The following GLIS3 variants were observed in gnomAD, a reference collection of about 807,000 sequenced individuals.
GLIS3 encodes the protein zinc finger protein GLIS3.
GLIS3 carries 53 observed loss-of-function variants against 78.6 expected under a neutral mutation model. The ratio of observed to expected loss-of-function variants is 0.67; its 90% CI spans 0.54 to 0.85. The LOEUF (loss-of-function observed/expected upper bound fraction) is 0.85, where lower values mean the gene tolerates loss of function less well. Among genes scored for constraint, GLIS3 ranks in the 40% least tolerant of loss-of-function variants. The pLI, the probability that GLIS3 is intolerant of heterozygous loss-of-function variation, is 0.00. For synonymous variants in GLIS3, 684 were observed against 509.9 expected (o/e 1.34, Z -4.60); for missense variants, 1,703 against 1,231.1 (o/e 1.38, Z -5.74).
rs1476595897 is a variant in GLIS3 at position 3,824,546 on chromosome 9, C to T, written c.*3726G>A. The stretch of plus-strand genomic sequence containing the variant: ...TTTTACTTTTGACATAAAAAAAGGA[C>T]TTCATGAACAAGACAAAATAACTTA... On this transcript the variant is annotated 3_prime_UTR_variant, in exon 11 of 11. Coordinates refer to ENST00000381971, the MANE Select transcript of GLIS3 (RefSeq NM_001042413.2). The T allele has an allele frequency of 2.0e-5, 3 of 152,248 alleles. No homozygotes were observed. Among genetic ancestry groups the T allele is most frequent in the Non-Finnish European group, 4.4e-5 (3 of 68,020 alleles). The allele number at this position is 152,248 out of a possible 1,614,324, so 9.4% of individuals were successfully genotyped here. A position where few individuals can be genotyped will look rare whatever the true frequency, so the allele number is the denominator to read the frequency against.
intron 2 of GLIS3, among the ~76,000 whole-genome samples, chr9:4,155,295 G>C (rs1307324369): frequency 6.6e-6 from 1 of 152,146 alleles, no homozygotes; most frequent in African/African-American, 2.4e-5. Flanking sequence ...AAAAGCAAGA[G>C]AATAAGCATG....
chr9:4,310,107 T>C (rs1439450876), intron 3 of GLIS3, among the ~76,000 whole-genome samples: 4 of 148,728 alleles, frequency 2.7e-5, no homozygotes, highest in African/African-American at 9.7e-5. Flanking sequence ...ATCAGGATTC[T>C]GCTACACACT....
chr9:3,908,062 C>T (rs948613012), intron 6 of GLIS3, among the ~76,000 whole-genome samples: 10 of 152,120 alleles, frequency 6.6e-5, no homozygotes, highest in African/African-American at 2.4e-4. Flanking sequence ...ATACCAAAAG[C>T]CTAAGTGTGG....
At chr9:3,984,951 C>T (rs1416908617) in intron 4 of GLIS3, among the ~76,000 whole-genome samples, 1 of 152,094 alleles carries the variant, frequency 6.6e-6, no homozygotes, top group Admixed American at 6.5e-5. Context: ...GTGACTTGCT[C>T]GTCCTTGCCT....
At chr9:4,347,422 G>T (rs7034125) in intron 1 of GLIS3, among the ~76,000 whole-genome samples, 27,841 of 151,914 alleles carry the variant, frequency 0.18, 2,684 homozygotes, top group Middle Eastern at 0.31. Context: ...CCAAACTATA[G>T]CAACCTGAAA....
intron 2 of GLIS3, among the ~76,000 whole-genome samples, chr9:4,203,976 G>T (rs984290837): frequency 6.6e-6 from 1 of 152,098 alleles, no homozygotes; most frequent in Non-Finnish European, 1.5e-5. Context: ...AGAGAAATGG[G>T]GCAAGGGTTG....
At chr9:4,167,164 G>A (rs994556180) in intron 2 of GLIS3, among the ~76,000 whole-genome samples, 3 of 152,190 alleles carry the variant, frequency 2.0e-5, no homozygotes, top group African/African-American at 7.2e-5. Flanking sequence ...AAGAGGATAA[G>A]GGAGTTGCCC....
intron 1 of GLIS3, among the ~76,000 whole-genome samples, chr9:4,288,497 T>A (rs2130365185): frequency 6.6e-6 from 1 of 152,216 alleles, no homozygotes; most frequent in Admixed American, 6.5e-5. Flanking sequence ...AGGAGTCATT[T>A]TTTTTGGCAG....
intron 2 of GLIS3, among the ~76,000 whole-genome samples, chr9:4,180,288 T>A (rs1419504791): frequency 6.6e-6 from 1 of 152,160 alleles, no homozygotes; most frequent in Non-Finnish European, 1.5e-5. Flanking sequence ...AGGTCAGCAA[T>A]GATCCTACCC....
intron 4 of GLIS3, among the ~76,000 whole-genome samples, chr9:4,019,332 C>A (rs192386966): frequency 1.7e-4 from 26 of 152,218 alleles, no homozygotes; most frequent in South Asian, 4.1e-4. Context: ...ATCACAGAGC[C>A]AGCAAAGAAA....
intron 2 of GLIS3, among the ~76,000 whole-genome samples, chr9:4,238,908 T>C (rs189035896): frequency 6.6e-6 from 1 of 152,222 alleles, no homozygotes; most frequent in Admixed American, 6.5e-5. Flanking sequence ...CAGTGACTTT[T>C]TCACCACGAG....
intron 2 of GLIS3, among the ~76,000 whole-genome samples, chr9:4,334,673 C>G (rs563197898): frequency 1.5e-4 from 23 of 151,906 alleles, no homozygotes; most frequent in African/African-American, 5.3e-4. Flanking sequence ...TGCTGCTTTG[C>G]CTGTCTTCTC....
the GLIS3 span, among the ~76,000 whole-genome samples, chr9:4,482,740 C>T: frequency 6.6e-6 from 1 of 152,112 alleles, no homozygotes; most frequent in Admixed American, 6.5e-5. Context: ...TCAAAGTCTC[C>T]TTCCTTTAGT....
At chr9:4,404,186 A>G in the GLIS3 span, among the ~76,000 whole-genome samples, 5 of 152,234 alleles carry the variant, frequency 3.3e-5, no homozygotes, top group Non-Finnish European at 7.3e-5. Flanking sequence ...TTGTAAATAT[A>G]TATGCACCCA....
In GLIS3 at chr9:4,038,287, T is replaced by C. The variant is rs374415999; in HGVS notation, c.1710+79481A>G. Among the ~76,000 whole-genome samples, 14 of 45,334 alleles carry C rather than the reference T, an allele frequency of 3.1e-4. No homozygotes were observed. The South Asian group carries it at 8.6e-3, about 28-fold the overall frequency. The allele number at this position is 45,334 out of a possible 152,430, so 29.7% of individuals were successfully genotyped here. ...CTTCTTTTGAAGTGTGGTAGGAAAC[T>C]TGTCCAACTTGTTGGTTCCAAAAAT... On this transcript the variant is annotated intron_variant, in intron 4 of 10. Coordinates refer to ENST00000381971, the MANE Select transcript of GLIS3 (RefSeq NM_001042413.2).
the GLIS3 span, among the ~76,000 whole-genome samples, chr9:4,397,125 A>C: frequency 1.6e-3 from 209 of 133,266 alleles, 2 homozygotes; most frequent in Non-Finnish European, 1.9e-3. Context: ...TCCTGGGTTC[A>C]CGCCATTCTC....
the GLIS3 span, among the ~76,000 whole-genome samples, chr9:4,376,308 A>G: frequency 2.6e-5 from 4 of 152,230 alleles, no homozygotes; most frequent in African/African-American, 7.2e-5. Context: ...AAGAATTTAA[A>G]GCATTAGGAG....
At chr9:3,907,601 C>CA (rs1823799640) in intron 6 of GLIS3, among the ~76,000 whole-genome samples, 2 of 115,264 alleles carry the variant, frequency 1.7e-5, no homozygotes, top group South Asian at 3.4e-4. Flanking sequence ...TCCTCCACCC[C>CA]CCAAACACAC....
intron 2 of GLIS3, among the ~76,000 whole-genome samples, chr9:4,322,279 T>C (rs1373366221): frequency 2.6e-5 from 4 of 152,244 alleles, no homozygotes; most frequent in Non-Finnish European, 5.9e-5. Context: ...AGTCTATCAC[T>C]GATGGACATT....
Sources: gnomAD v4.1 joint callset for allele counts (sites outside exome capture counted in the v4.1 genomes callset) on GRCh38, gnomAD v4.1.1 for gene constraint, MANE v1.5 for transcripts, NCBI Gene and HGNC (gene_info 2026-07-23, HGNC 2026-07-21) for gene names.